NR1H3: variants seen among roughly 807,000 people sequenced by gnomAD.
The protein encoded by NR1H3 is oxysterols receptor LXR-alpha.
NR1H3 carries 19 observed loss-of-function variants against 48.1 expected under a neutral mutation model. The ratio of observed to expected loss-of-function variants is 0.40; its 90% CI spans 0.28 to 0.58. NR1H3 has a LOEUF of 0.58. Among genes scored for constraint, NR1H3 ranks in the 20% least tolerant of loss-of-function variants. NR1H3 has a pLI of 0.50. For missense variants in NR1H3, 486 were observed against 595.9 expected (o/e 0.82, Z 1.92); for synonymous variants, 232 against 227.3 (o/e 1.02, Z -0.19).
At chr11:47,258,459 A>G (rs326220) in intron 1 of NR1H3, 151,987 of 152,864 alleles carry the variant, frequency 0.99, 75,558 homozygotes, top group East Asian at 1. Context: ...GAAGGGGCCC[A>G]AGAGAAGCAG....
At chr11:47,252,267 G>A (rs1954726740) in intron 1 of NR1H3, among the ~76,000 whole-genome samples, 1 of 151,642 alleles carries the variant, frequency 6.6e-6, no homozygotes, top group African/African-American at 2.4e-5. Flanking sequence ...TGTTGTTGTT[G>A]TTGTTGTTTT....
chr11:47,255,577 CTTTCTTTCTT>C (rs1465153596), upstream of NR1H3, among the ~76,000 whole-genome samples: 6 of 88,380 alleles, frequency 6.8e-5, no homozygotes, highest in East Asian at 9.4e-4. Flanking sequence ...TTCTTTCTTT[CTTTCTTTCTT>C]TCTTTCTTTC....
chr11:47,260,352 G>T, intron 3 of NR1H3, 57 bp from the exon 4 acceptor site: 2 of 1,559,226 alleles, frequency 1.3e-6, no homozygotes, highest in South Asian at 2.5e-5. Context: ...GGCTGAGTCA[G>T]GGAGAACATG....
At chr11:47,251,158 C>CA (rs371757732) in intron 1 of NR1H3, among the ~76,000 whole-genome samples, 31 of 143,366 alleles carry the variant, frequency 2.2e-4, no homozygotes, top group South Asian at 4.3e-4. Context: ...GACTCCGTCT[C>CA]AAAAAAAAAA....
rs1478997530 is a variant in NR1H3, at chr11:47,261,405, C to A, written c.664C>A (p.Gln222Lys). The A allele has an allele frequency of 1.2e-6, 2 of 1,614,146 alleles. No homozygotes were observed. Among genetic ancestry groups the A allele is most frequent in the Admixed American group, 3.3e-5 (2 of 59,978 alleles). ...GMIEKLVAAQ[Q>K]QCNRRSFSDR... ...GATCGAGAAGCTCGTCGCTGCCCAG[C>A]AACAGTGTAACCGGCGCTCCTTTTC... The change falls in exon 5 of 10, where the codon CAA (glutamine) becomes AAA (lysine). Residue 222 changes from glutamine (Q) to lysine (K), a missense_variant. Physicochemically the swap from Gln to Lys is moderately conservative, Grantham distance 53. Coordinates refer to ENST00000441012, the MANE Select transcript of NR1H3 (RefSeq NM_005693.4).
chr11:47,256,069 T>A (rs1955145017), upstream of NR1H3, among the ~76,000 whole-genome samples: 1 of 152,022 alleles, frequency 6.6e-6, no homozygotes, highest in Non-Finnish European at 1.5e-5. Flanking sequence ...TATTTTGAGA[T>A]GGAGTCTCAG....
In NR1H3 at chr11:47,266,728, G is replaced by A. The variant is rs190993531; in HGVS notation, c.989-1185G>A. On this transcript the variant is annotated intron_variant, in intron 7 of 9. Transcript: ENST00000441012. ...GTGATCTCGGCTTACTGCAACCTCC[G>A]CCTCCCAGATTCAAGCAATTCTCCT... Among the ~76,000 whole-genome samples the A allele has an allele frequency of 2.2e-3, 329 of 149,114 alleles. 3 individuals carry two copies. The highest frequency in any genetic ancestry group is 7.7e-3 in the African/African-American group (309 of 40,368).
In NR1H3 at chr11:47,268,859, GCTA is replaced by G; in HGVS notation, c.*166_*168del. The G allele has an allele frequency of 1.2e-6, 1 of 838,000 alleles. No individual in the cohort carries two copies. Among genetic ancestry groups the G allele is most frequent in the Non-Finnish European group, 1.8e-6 (1 of 550,166 alleles). 51.9% of individuals were successfully genotyped at this position (838,000 alleles called of 1,614,324 possible). On this transcript the variant is annotated 3_prime_UTR_variant, in exon 10 of 10. Coordinates refer to ENST00000441012, the MANE Select transcript of NR1H3 (RefSeq NM_005693.4). ...GAGTCAAAGGGTTGCGAGTTTTGTG[GCTA>G]CTGAGCAGTGGAGCCCTCGCTAACA...
chr11:47,264,537 C>T (rs1426684248), intron 7 of NR1H3, among the ~76,000 whole-genome samples: 1 of 152,194 alleles, frequency 6.6e-6, no homozygotes, highest in Non-Finnish European at 1.5e-5. Flanking sequence ...CTCTTCCAAA[C>T]CACTTTTTCC....
intron 9 of NR1H3, 68 bp from the exon 10 acceptor site, chr11:47,268,482 C>A: frequency 6.2e-7 from 1 of 1,603,760 alleles, no homozygotes; most frequent in South Asian, 1.1e-5. Flanking sequence ...TCTCCCACAA[C>A]TCCCCTACTC....
Position 47,259,811 on chromosome 11 carries a change from AAGCCAGGCGCACAGGATGCAAGC to A in NR1H3, c.73_95del (p.Ala25ProfsTer193). The stretch of plus-strand genomic sequence containing the variant: ...CTCAGACTCTGCGGTGGAGCTGTGG[AAGCCAGGCGCACAGGATGCAAGC>A]AGCCAGGCCCAGGGAGGCAGCAGCT... On this transcript the variant is annotated frameshift_variant, in exon 3 of 10. Transcript: ENST00000441012. LOFTEE classifies it high-confidence loss of function. 2.5e-6 allele frequency: 4 copies of A among 1,612,136 alleles called. No individual in the cohort carries two copies. The highest frequency in any genetic ancestry group is 3.4e-6 in the Non-Finnish European group (4 of 1,179,894).
At chr11:47,260,159 ACTTTC>A (rs1218724020) in intron 3 of NR1H3, among the ~76,000 whole-genome samples, 180 bp downstream of exon 3, 1 of 152,186 alleles carries the variant, frequency 6.6e-6, no homozygotes, top group Non-Finnish European at 1.5e-5. Flanking sequence ...TCTGAGCCTC[ACTTTC>A]CTTGTTTATA....
chr11:47,267,369 C>T (rs981004630), intron 7 of NR1H3, among the ~76,000 whole-genome samples: 1 of 152,218 alleles, frequency 6.6e-6, no homozygotes, highest in Non-Finnish European at 1.5e-5. Context: ...GTGCCAGACA[C>T]AGCGCTAAGT....
rs749306694 is a variant in NR1H3 at position 47,260,510 on chromosome 11, G to A, written c.334G>A (p.Val112Ile). The change falls in exon 4 of 10, where the codon GTT (valine) becomes ATT (isoleucine). Residue 112 changes from valine (V) to isoleucine (I), a missense_variant. By Grantham distance (29) the Val-to-Ile change is conservative (BLOSUM62 3). Coordinates refer to ENST00000441012, the MANE Select transcript of NR1H3 (RefSeq NM_005693.4). ...CAAGGCCTCGGGCTTCCACTACAAT[G>A]TTCTGAGCTGCGAGGGCTGCAAGGG... ...GDKASGFHYN[V>I]LSCEGCKGFF... is the part of the protein sequence containing the mutation. The A allele has an allele frequency of 2.8e-5, 45 of 1,614,156 alleles. No homozygotes were observed. The highest frequency in any genetic ancestry group is 2.0e-4 in the Admixed American group (12 of 60,010).
rs371280420 is a variant in NR1H3, at chr11:47,261,359, C to T, written c.618C>T (p.Leu206=). The T allele has an allele frequency of 2.5e-5, 40 of 1,614,136 alleles. No individual in the cohort carries two copies. In the South Asian group the frequency reaches 4.1e-4, roughly 16 times the overall value. The change falls in exon 5 of 10, where the codon CTC becomes CTT. Residue 206 remains leucine, a synonymous_variant. Coordinates refer to ENST00000441012, the MANE Select transcript of NR1H3 (RefSeq NM_005693.4). ...ASSPPQILPQ[L]SPEQLGMIEK... is the part of the protein sequence containing the mutation. ...CACCCCCCCAAATCCTGCCCCAGCT[C>T]AGCCCGGAACAACTGGGCATGATCG... is the stretch of plus-strand genomic sequence containing the variant.
intron 1 of NR1H3, 52 bp from the exon 2 acceptor site, chr11:47,259,128 G>C (rs903401389): frequency 6.2e-7 from 1 of 1,606,980 alleles, no homozygotes; most frequent in Non-Finnish European, 8.5e-7. Context: ...AGGGAGCTGA[G>C]GCCAGAAAGG....
chr11:47,260,053 G>T, intron 3 of NR1H3, 74 bp downstream of exon 3: 1 of 1,294,376 alleles, frequency 7.7e-7, no homozygotes, highest in African/African-American at 1.5e-5. Flanking sequence ...GTTCCTTGGG[G>T]GTTTTTACTT....
At position 47,268,615 on chromosome 11, in the gene NR1H3, C is replaced by T. The variant is rs762566840; in HGVS notation, c.1263C>T (p.His421=). The T allele has an allele frequency of 1.2e-6, 2 of 1,614,224 alleles. No homozygotes were observed. Among genetic ancestry groups the T allele is most frequent in the South Asian group, 1.1e-5 (1 of 91,084 alleles). Reference sequence around the variant, plus strand: ...GCCTCCGGACCCTGAGCAGCGTCCACTCAGAGCAAGTGTTTGCACTGCGTC... The same window carrying T: ...GCCTCCGGACCCTGAGCAGCGTCCATTCAGAGCAAGTGTTTGCACTGCGTC... ...LVSLRTLSSV[H]SEQVFALRLQ... The change falls in exon 10 of 10, where the codon CAC becomes CAT. Residue 421 remains histidine (H), a synonymous_variant. Coordinates refer to ENST00000441012, the MANE Select transcript of NR1H3 (RefSeq NM_005693.4).
rs574481454 is a variant in NR1H3, at chr11:47,265,012, C to T, written c.989-2901C>T. ...AAATGCTTTAGAAAATGGGGCTTGC[C>T]GCCGGGCGTGGTGGCTTACACCTGA... On this transcript the variant is annotated intron_variant, in intron 7 of 9. Transcript: ENST00000441012. Among the ~76,000 whole-genome samples, 19 of 152,086 alleles carry T rather than the reference C, an allele frequency of 1.2e-4. No homozygotes were observed. The South Asian group carries it at 2.7e-3, about 22-fold the overall frequency.
Sources: gnomAD v4.1 joint callset for allele counts (sites outside exome capture counted in the v4.1 genomes callset) on GRCh38, gnomAD v4.1.1 for gene constraint, MANE v1.5 for transcripts, NCBI Gene and HGNC (gene_info 2026-07-23, HGNC 2026-07-21) for gene names.